Variants in TIAM1 observed in about 807,000 individuals in gnomAD.
TIAM1 encodes the protein TIAM Rac1 associated GEF 1.
A neutral mutation model predicts 163.5 loss-of-function variants in TIAM1; 65 were observed. The observed-to-expected ratio is 0.40, with a 90% confidence interval of 0.33 to 0.49. TIAM1 has a LOEUF of 0.49. Among genes scored for constraint, TIAM1 ranks in the 20% least tolerant of loss-of-function variants. The pLI is 0.77. For synonymous variants in TIAM1, 833 were observed against 810.1 expected, an observed-to-expected ratio of 1.03 and a Z score of -0.48; for missense variants, 1,789 against 2,044.7, an observed-to-expected ratio of 0.87 and a Z score of 2.41.
At chr21:31,287,509 C>G (rs1303494494) in intron 2 of TIAM1, among the ~76,000 whole-genome samples, 1 of 152,178 alleles carries the variant, frequency 6.6e-6, no homozygotes, top group East Asian at 1.9e-4. Context: ...TAGACTAATT[C>G]TGCTAGGAGA....
intron 27 of TIAM1, among the ~76,000 whole-genome samples, chr21:31,121,304 G>A (rs927348161): frequency 1.3e-5 from 2 of 152,158 alleles, no homozygotes; most frequent in Non-Finnish European, 2.9e-5. Flanking sequence ...GGGTTGTTTA[G>A]CTGGAATAGG....
intron 1 of TIAM1, among the ~76,000 whole-genome samples, chr21:31,550,468 C>T (rs1358764547): frequency 1.3e-5 from 2 of 151,900 alleles, no homozygotes; most frequent in African/African-American, 4.8e-5. Flanking sequence ...TTAGTGGTAG[C>T]CAAGTGCTGG....
rs777515394 is a variant in TIAM1, at chr21:31,182,405, C to T, written c.2887+16G>A. On this transcript the variant is annotated intron_variant, in intron 15 of 27. Transcript: ENST00000541036. ...ACGGAGTTCAGACTCGCCCCCAGCA[C>T]CCTGCACAGCCATACCTGGGTTGCT... 1.3e-6 allele frequency: 2 copies of T among 1,526,344 alleles called. No individual in the cohort carries two copies. The highest frequency in any genetic ancestry group is 2.6e-5 in the South Asian group (2 of 75,636). 94.6% of individuals were successfully genotyped at this position (1,526,344 alleles called of 1,614,324 possible).
At chr21:31,249,632 G>A (rs1487905363) in intron 5 of TIAM1, among the ~76,000 whole-genome samples, 1 of 152,128 alleles carries the variant, frequency 6.6e-6, no homozygotes, top group Non-Finnish European at 1.5e-5. Context: ...CCCATCTAGG[G>A]GAGAAGCGGG....
chr21:31,412,784 T>TAAAAA (rs77221722), intron 2 of TIAM1, among the ~76,000 whole-genome samples: 48 of 103,522 alleles, frequency 4.6e-4, no homozygotes, highest in African/African-American at 1.7e-3. Flanking sequence ...TGTCTCAGGT[T>TAAAAA]AAAAAAAAAA....
intron 1 of TIAM1, among the ~76,000 whole-genome samples, chr21:31,535,054 C>T (rs1031505502): frequency 1.3e-5 from 2 of 151,290 alleles, no homozygotes; most frequent in Non-Finnish European, 2.9e-5. Flanking sequence ...TGTGCCACTG[C>T]ACTCCAGCCT....
At chr21:31,287,410 A>G (rs906225085) in intron 2 of TIAM1, among the ~76,000 whole-genome samples, 4 of 152,244 alleles carry the variant, frequency 2.6e-5, no homozygotes, top group African/African-American at 9.6e-5. Context: ...TATGATGCAT[A>G]TAATCTGGGA....
chr21:31,123,389 G>A (rs746122535), intron 27 of TIAM1, among the ~76,000 whole-genome samples: 16 of 152,274 alleles, frequency 1.1e-4, no homozygotes, highest in Non-Finnish European at 1.3e-4. Context: ...GACCCCATGC[G>A]AAACTGCGCA....
intron 2 of TIAM1, among the ~76,000 whole-genome samples, chr21:31,458,092 T>G (rs1261817680): frequency 6.6e-6 from 1 of 152,122 alleles, no homozygotes; most frequent in Non-Finnish European, 1.5e-5. Context: ...ATTACAACCC[T>G]CCACACTGTG....
At chr21:31,400,865 T>C (rs1393928417) in intron 2 of TIAM1, among the ~76,000 whole-genome samples, 1 of 151,470 alleles carries the variant, frequency 6.6e-6, no homozygotes, top group Non-Finnish European at 1.5e-5. Context: ...CCGAGGTGGG[T>C]GGATCACCTG....
At position 31,164,995 on chromosome 21, in the gene TIAM1, C is replaced by T. The variant is rs1248052566; in HGVS notation, c.2958G>A (p.Leu986=). ...TGTGATCAGTCTCATCTGAGGATTC[C>T]AAGTCTGGCCCCTCGGTCTCCTCTG... is the stretch of plus-strand genomic sequence containing the variant. ...TAPEETEGPD[L]ESSDETDHSS... is the part of the protein sequence containing the mutation. The change falls in exon 16 of 28, where the codon TTG becomes TTA. Residue 986 remains leucine, a synonymous_variant. Coordinates refer to ENST00000541036, the MANE Select transcript of TIAM1 (RefSeq NM_001353694.2). 1 of 1,614,128 alleles carries T rather than the reference C, an allele frequency of 6.2e-7. No individual in the cohort carries two copies. Among genetic ancestry groups the T allele is most frequent in the Admixed American group, 1.7e-5 (1 of 60,026 alleles).
intron 2 of TIAM1, 113 bp downstream of exon 2, chr21:31,339,130 A>C (rs1208914422): frequency 2.6e-6 from 1 of 389,172 alleles, no homozygotes; most frequent in African/African-American, 2.1e-5. Context: ...AATCGTCACA[A>C]ACAATGAACT....
chr21:31,482,724 T>G (rs955606747), intron 1 of TIAM1, among the ~76,000 whole-genome samples: 1 of 152,272 alleles, frequency 6.6e-6, no homozygotes, highest in African/African-American at 2.4e-5. Flanking sequence ...CATGTGCATC[T>G]GGTAAAGTGA....
chr21:31,525,991 G>A (rs552473053), intron 1 of TIAM1, among the ~76,000 whole-genome samples: 132 of 145,282 alleles, frequency 9.1e-4, no homozygotes, highest in African/African-American at 3.3e-3. Context: ...CCGAGATCAC[G>A]CCACTGCACT....
intron 2 of TIAM1, among the ~76,000 whole-genome samples, chr21:31,397,257 G>A (rs928833532): frequency 1.3e-5 from 2 of 152,104 alleles, no homozygotes; most frequent in Non-Finnish European, 2.9e-5. Flanking sequence ...TATCATGCCC[G>A]TTTGTAAGTG....
intron 5 of TIAM1, among the ~76,000 whole-genome samples, chr21:31,250,447 G>C (rs1180668715): frequency 6.6e-6 from 1 of 152,204 alleles, no homozygotes; most frequent in Non-Finnish European, 1.5e-5. Context: ...TGGGGCCAAC[G>C]CAAGTCCTAC....
chr21:31,512,617 CTTTTTTTTT>C (rs35338359), intron 1 of TIAM1, among the ~76,000 whole-genome samples: 3 of 121,762 alleles, frequency 2.5e-5, no homozygotes, highest in African/African-American at 9.7e-5. Context: ...TTTTTCTTTT[CTTTTTTTTT>C]TTTTTTTTTG....
At chr21:31,394,555 A>G (rs1247634627) in intron 2 of TIAM1, among the ~76,000 whole-genome samples, 2 of 152,168 alleles carry the variant, frequency 1.3e-5, no homozygotes, top group Non-Finnish European at 2.9e-5. Flanking sequence ...GAAATGCACC[A>G]GTCTGGGGCA....
chr21:31,295,581 G>A (rs1977904), intron 2 of TIAM1, among the ~76,000 whole-genome samples: 63,067 of 151,528 alleles, frequency 0.42, 16,322 homozygotes, highest in Non-Finnish European at 0.58. Flanking sequence ...GGTGCCATAC[G>A]ATAAACTCAG....
Sources: allele counts gnomAD v4.1 joint callset (sites outside exome capture counted in the v4.1 genomes callset), GRCh38; gene constraint gnomAD v4.1.1; transcripts MANE v1.5; gene names NCBI Gene and HGNC (gene_info 2026-07-23, HGNC 2026-07-21).